The following PDE8A variants were observed in gnomAD, a reference collection of about 807,000 sequenced individuals.
PDE8A encodes high affinity cAMP-specific and IBMX-insensitive 3',5'-cyclic phosphodiesterase 8A.
A neutral mutation model predicts 105.0 loss-of-function variants in PDE8A; 59 were observed. The observed-to-expected ratio is 0.56, with a 90% CI of 0.46 to 0.70. PDE8A has a LOEUF of 0.70. Ranked by LOEUF, PDE8A falls within the 30% of genes least tolerant of loss-of-function variation. PDE8A has a pLI of 0.00. For synonymous variants in PDE8A, 355 were observed against 371.9 expected, an observed-to-expected ratio of 0.95 and a Z score of 0.52; for missense variants, 1,014 against 1,045.9, an observed-to-expected ratio of 0.97 and a Z score of 0.42.
At chr15:85,088,929 G>T (rs1416068980) in intron 6 of PDE8A, among the ~76,000 whole-genome samples, 1 of 152,166 alleles carries the variant, frequency 6.6e-6, no homozygotes, top group Non-Finnish European at 1.5e-5. Flanking sequence ...AGGTAGAAAT[G>T]ATTGCCTTCT....
chr15:85,038,212 GGGGGGTGTGTGTGTGT>G (rs1407929135), intron 1 of PDE8A, among the ~76,000 whole-genome samples: 11 of 14,224 alleles, frequency 7.7e-4, no homozygotes, highest in Admixed American at 5.1e-3. Flanking sequence ...CTCTCCAATT[GGGGGGTGTGTGTGTGT>G]GTGTGTGTGT....
chr15:85,133,887 G>A (rs1277890864), intron 20 of PDE8A, among the ~76,000 whole-genome samples: 1 of 152,160 alleles, frequency 6.6e-6, no homozygotes, highest in Non-Finnish European at 1.5e-5. Flanking sequence ...TGACTTCATG[G>A]GGAGTGGGGC....
Position 85,083,612 on chromosome 15 carries a change from G to C in PDE8A, c.603G>C (p.Glu201Asp). Reference protein sequence around the residue: ...MACYNELLQLEFGEVRSQLKL... With the variant: ...MACYNELLQLDFGEVRSQLKL... ...GCTACAATGAACTGCTCCAGCTGGA[G>C]TTTGGAGAGGTGCGATCACAACTGA... The change falls in exon 6 of 22, where the codon GAG becomes GAC. Residue 201 changes from glutamate (E) to aspartate (D), a missense_variant. Transcript: ENST00000394553. 6.2e-7 allele frequency: 1 copy of C among 1,613,558 alleles called. No homozygotes were observed. The highest frequency in any genetic ancestry group is 1.3e-5 in the African/African-American group (1 of 75,048).
At chr15:85,008,710 T>G (rs1008413909) in intron 1 of PDE8A, among the ~76,000 whole-genome samples, 2 of 152,178 alleles carry the variant, frequency 1.3e-5, no homozygotes, top group African/African-American at 4.8e-5. Flanking sequence ...TCACCTGATA[T>G]GAACTTCCTC....
chr15:85,055,679 C>T (rs1488097965), intron 1 of PDE8A, among the ~76,000 whole-genome samples: 1 of 152,160 alleles, frequency 6.6e-6, no homozygotes, highest in African/African-American at 2.4e-5. Flanking sequence ...CTTCCTCCAT[C>T]CCTTTATTTT....
At position 84,982,298 on chromosome 15, in the gene PDE8A, C is replaced by A; in HGVS notation, c.136C>A (p.Arg46Ser). The stretch of plus-strand genomic sequence containing the variant: ...GAAGACGGCCGCCTTGCCCCGGACC[C>A]GCGGCGCCGGCCTCTTGGAGTCGGA... ...GQKTAALPRT[R>S]GAGLLESELR... The change falls in exon 1 of 22, where the codon CGC becomes AGC. Residue 46 changes from arginine (R) to serine (S), a missense_variant. By Grantham distance (110) the Arg-to-Ser change is moderately radical. Transcript: ENST00000394553. The A allele has an allele frequency of 7.3e-7, 1 of 1,376,708 alleles. No homozygotes were observed. The highest frequency in any genetic ancestry group is 1.7e-5 in the South Asian group (1 of 59,062). 85.3% of individuals were successfully genotyped at this position (1,376,708 alleles called of 1,614,324 possible).
At chr15:85,104,731 T>A (rs2081921804) in intron 11 of PDE8A, among the ~76,000 whole-genome samples, 1 of 152,044 alleles carries the variant, frequency 6.6e-6, no homozygotes, top group Non-Finnish European at 1.5e-5. Flanking sequence ...GGATAGTAAG[T>A]TTAGATTTGA....
intron 1 of PDE8A, among the ~76,000 whole-genome samples, chr15:84,989,073 G>C (rs752871812): frequency 6.6e-6 from 1 of 152,210 alleles, no homozygotes; most frequent in Non-Finnish European, 1.5e-5. Context: ...CTCCAATTTT[G>C]TCTGAGTTAG....
chr15:85,013,103 C>T (rs2080267957), intron 1 of PDE8A, among the ~76,000 whole-genome samples: 1 of 152,156 alleles, frequency 6.6e-6, no homozygotes, highest in African/African-American at 2.4e-5. Flanking sequence ...TTAAGGGCTA[C>T]ACTAAATGAC....
At chr15:85,120,146 A>C (rs978693340) in intron 17 of PDE8A, 12 of 151,654 alleles carry the variant, frequency 7.9e-5, no homozygotes, top group African/African-American at 2.9e-4. Flanking sequence ...AAAACAAAAA[A>C]AAAAAACAAA....
chr15:85,068,030 T>C (rs932565667), intron 3 of PDE8A, among the ~76,000 whole-genome samples: 1 of 152,072 alleles, frequency 6.6e-6, no homozygotes, highest in Non-Finnish European at 1.5e-5. Context: ...GCCATCATCA[T>C]TGTAGCCCAG....
At chr15:85,059,148 A>C (rs1197969096) in intron 1 of PDE8A, among the ~76,000 whole-genome samples, 1 of 152,088 alleles carries the variant, frequency 6.6e-6, no homozygotes, top group Non-Finnish European at 1.5e-5. Context: ...CTGTTAGTTA[A>C]GATTGTGTTG....
intron 15 of PDE8A, 83 bp downstream of exon 15, chr15:85,115,570 C>T (rs1466160369): frequency 1.4e-6 from 1 of 701,942 alleles, no homozygotes; most frequent in African/African-American, 1.9e-5. Context: ...TTTTTCACCT[C>T]ATTAAGAAGT....
intron 20 of PDE8A, among the ~76,000 whole-genome samples, chr15:85,132,223 T>A (rs2082339757): frequency 6.6e-6 from 1 of 152,156 alleles, no homozygotes; most frequent in African/African-American, 2.4e-5. Context: ...CCTCCTGCCT[T>A]AGCCTCTCAA....
intron 1 of PDE8A, among the ~76,000 whole-genome samples, chr15:84,983,675 A>G (rs117725683): frequency 0.011 from 1,725 of 152,348 alleles, 21 homozygotes; most frequent in Non-Finnish European, 0.019. Context: ...TGTTAAGCCT[A>G]CTTGGCTTTA....
chr15:85,115,934 AAG>A (rs1234405387), intron 15 of PDE8A, 48 bp from the exon 16 acceptor site: 3 of 1,544,756 alleles, frequency 1.9e-6, no homozygotes, highest in Admixed American at 3.8e-5. Context: ...AAAAAAAAAA[AAG>A]TTAATCCTTT....
intron 1 of PDE8A, among the ~76,000 whole-genome samples, chr15:84,988,867 C>A (rs2079844130): frequency 6.6e-6 from 1 of 152,220 alleles, no homozygotes; most frequent in Non-Finnish European, 1.5e-5. Context: ...TCCCAAAGTG[C>A]TTGGCACACT....
intron 20 of PDE8A, among the ~76,000 whole-genome samples, chr15:85,134,060 G>A (rs1383280557): frequency 6.6e-6 from 1 of 152,184 alleles, no homozygotes; most frequent in Non-Finnish European, 1.5e-5. Flanking sequence ...CTTAGATGAG[G>A]GCATGGGCCA....
At chr15:85,040,488 G>A in intron 1 of PDE8A, among the ~76,000 whole-genome samples, 1 of 150,028 alleles carries the variant, frequency 6.7e-6, no homozygotes. Flanking sequence ...CTAGGCACCT[G>A]TTCTAGTGTG....
Sources: allele counts gnomAD v4.1 joint callset (sites outside exome capture counted in the v4.1 genomes callset), GRCh38; gene constraint gnomAD v4.1.1; transcripts MANE v1.5; gene names NCBI Gene and HGNC (gene_info 2026-07-23, HGNC 2026-07-21).